Variants in FSIP1 observed in about 807,000 individuals in gnomAD.
FSIP1 encodes fibrous sheath-interacting protein 1.
FSIP1 carries 65 observed loss-of-function variants against 60.9 expected under a neutral mutation model. That is an observed-to-expected ratio of 1.07 (90% CI 0.87 to 1.31). FSIP1 has a LOEUF of 1.31. Among genes scored for constraint, FSIP1 ranks in the 40% most tolerant of loss-of-function variants. FSIP1 has a pLI of 0.00. For missense variants in FSIP1, 675 were observed against 665.5 expected (o/e 1.01, Z -0.16); for synonymous variants, 209 against 221.2 (o/e 0.94, Z 0.49).
At chr15:39,607,854 C>T (rs1595526337) in intron 11 of FSIP1, among the ~76,000 whole-genome samples, 2 of 152,222 alleles carry the variant, frequency 1.3e-5, no homozygotes, top group East Asian at 1.9e-4. Context: ...AAATCTAATC[C>T]GAATCACACT....
intron 11 of FSIP1, among the ~76,000 whole-genome samples, chr15:39,610,447 C>T (rs1196991410): frequency 1.3e-5 from 2 of 152,092 alleles, no homozygotes; most frequent in East Asian, 1.9e-4. Flanking sequence ...TTTGGGAGGT[C>T]GAGGCGGGCA....
At chr15:39,699,600 G>C (rs1894975844) in intron 10 of FSIP1, among the ~76,000 whole-genome samples, 1 of 152,140 alleles carries the variant, frequency 6.6e-6, no homozygotes, top group Non-Finnish European at 1.5e-5. Context: ...TTATCCACCA[G>C]TCACAGCCTG....
At chr15:39,675,008 CA>C (rs112691018) in intron 10 of FSIP1, among the ~76,000 whole-genome samples, 2 of 149,648 alleles carry the variant, frequency 1.3e-5, no homozygotes, top group East Asian at 1.9e-4. Context: ...TCAGACAATT[CA>C]AAAAAAACTG....
intron 1 of FSIP1, among the ~76,000 whole-genome samples, chr15:39,780,990 T>C (rs985693655): frequency 2.0e-5 from 3 of 152,162 alleles, no homozygotes; most frequent in Non-Finnish European, 2.9e-5. Flanking sequence ...TATGGATAAA[T>C]TGGAAGGCAT....
intron 10 of FSIP1, among the ~76,000 whole-genome samples, chr15:39,696,446 A>C (rs1279133864): frequency 6.6e-6 from 1 of 152,224 alleles, no homozygotes; most frequent in Non-Finnish European, 1.5e-5. Context: ...TATCATTTTT[A>C]AACTCTGAGA....
intron 10 of FSIP1, among the ~76,000 whole-genome samples, chr15:39,630,310 C>G (rs1418493903): frequency 1.3e-5 from 2 of 152,128 alleles, no homozygotes; most frequent in East Asian, 3.8e-4. Context: ...GAGAGCAAAC[C>G]AAAAAAGCTG....
intron 5 of FSIP1, among the ~76,000 whole-genome samples, chr15:39,748,632 T>C (rs1431009022): frequency 6.6e-6 from 1 of 152,072 alleles, no homozygotes; most frequent in African/African-American, 2.4e-5. Context: ...TAATAAGCTA[T>C]AAAGAAAATT....
At chr15:39,616,124 G>A (rs1018280461) in intron 11 of FSIP1, among the ~76,000 whole-genome samples, 5 of 152,080 alleles carry the variant, frequency 3.3e-5, no homozygotes, top group Non-Finnish European at 7.4e-5. Flanking sequence ...GAAATTTCAT[G>A]TAAGAAACAA....
intron 10 of FSIP1, among the ~76,000 whole-genome samples, chr15:39,706,684 T>C (rs1895285211): frequency 6.6e-6 from 1 of 152,190 alleles, no homozygotes; most frequent in Admixed American, 6.5e-5. Flanking sequence ...CCAACACACT[T>C]TTCCCTTTAA....
rs1235620694 is a variant in FSIP1 at position 39,743,430 on chromosome 15, T to C, written c.560-1530A>G. ...CATTCAATTGCAAGAGCTTAACCCT[T>C]GGAGGAAAAAAAAAACATTTTCTGA... is the stretch of plus-strand genomic sequence containing the variant. On this transcript the variant is annotated intron_variant, in intron 5 of 11. Transcript: ENST00000350221. Among the ~76,000 whole-genome samples, 7 of 151,638 alleles carry C rather than the reference T, an allele frequency of 4.6e-5. No homozygotes were observed. The East Asian group carries it at 1.4e-3, about 29-fold the overall frequency.
chr15:39,766,219 T>C (rs929420457), intron 3 of FSIP1, among the ~76,000 whole-genome samples: 3 of 152,360 alleles, frequency 2.0e-5, no homozygotes, highest in Admixed American at 1.3e-4. Flanking sequence ...CACAAAGTGG[T>C]TGCAACATAT....
downstream of FSIP1, chr15:39,598,251 G>T (rs1434898024): frequency 2.0e-5 from 3 of 152,172 alleles, no homozygotes; most frequent in Admixed American, 2.0e-4. Context: ...CACTAGAAAG[G>T]ACTGGCTGGG....
At chr15:39,718,474 A>G (rs898158783) in intron 9 of FSIP1, among the ~76,000 whole-genome samples, 1 of 146,496 alleles carries the variant, frequency 6.8e-6, no homozygotes, top group African/African-American at 2.5e-5. Flanking sequence ...CATGTTATCA[A>G]TTTCATAAGC....
At position 39,631,583 on chromosome 15, in the gene FSIP1, A is replaced by G. The variant is rs978749325; in HGVS notation, c.1189-13338T>C. On this transcript the variant is annotated intron_variant, in intron 10 of 11. Transcript: ENST00000350221. Reference sequence around the variant, plus strand: ...ACACCTCTTCCCAGACTTCATGTCCACTCACCATGGAAAAAATGCTTCAGA... The same window carrying G: ...ACACCTCTTCCCAGACTTCATGTCCGCTCACCATGGAAAAAATGCTTCAGA... Among the ~76,000 whole-genome samples, 7 of 152,286 alleles carry G rather than the reference A, an allele frequency of 4.6e-5. No homozygotes were observed. In the East Asian group the frequency reaches 1.4e-3, roughly 29 times the overall value.
In FSIP1 at chr15:39,666,154, A is replaced by G. The variant is rs535980182; in HGVS notation, c.1188+47290T>C. On this transcript the variant is annotated intron_variant, in intron 10 of 11. Transcript: ENST00000350221. ...GATCTGTCATTCTGTGTTTCCTTAA[A>G]GTGAAAATGGTGAACTATGCTGAAA... 4.8e-4 allele frequency among the ~76,000 whole-genome samples: 73 copies of G among 152,308 alleles called. 1 individual carries two copies. The highest frequency in any genetic ancestry group is 1.6e-3 in the African/African-American group (68 of 41,576).
At chr15:39,673,123 C>A (rs1893785974) in intron 10 of FSIP1, among the ~76,000 whole-genome samples, 2 of 152,152 alleles carry the variant, frequency 1.3e-5, no homozygotes, top group Admixed American at 1.3e-4. Flanking sequence ...AGTCTCACAA[C>A]CAAAAACTGC....
chr15:39,632,456 G>A (rs941717532), intron 10 of FSIP1, among the ~76,000 whole-genome samples: 6 of 152,116 alleles, frequency 3.9e-5, no homozygotes, highest in Non-Finnish European at 5.9e-5. Context: ...TGGGATTACA[G>A]GCGTGAGCCA....
At chr15:39,707,817 C>T (rs539324313) in intron 10 of FSIP1, among the ~76,000 whole-genome samples, 2 of 152,062 alleles carry the variant, frequency 1.3e-5, no homozygotes, top group Non-Finnish European at 2.9e-5. Context: ...AGATTCAAAC[C>T]CCAAGCAGTC....
At chr15:39,622,048 C>T (rs1274949384) in intron 10 of FSIP1, among the ~76,000 whole-genome samples, 1 of 152,142 alleles carries the variant, frequency 6.6e-6, no homozygotes, top group African/African-American at 2.4e-5. Flanking sequence ...CCCTAACTGC[C>T]CTCAATAGTT....
Sources: allele counts gnomAD v4.1 joint callset (sites outside exome capture counted in the v4.1 genomes callset), GRCh38; gene constraint gnomAD v4.1.1; transcripts MANE v1.5; gene names NCBI Gene and HGNC (gene_info 2026-07-23, HGNC 2026-07-21).